The following GABRA5 variants were observed in gnomAD, a reference collection of about 807,000 sequenced individuals.
The protein encoded by GABRA5 is gamma-aminobutyric acid receptor subunit alpha-5.
In GABRA5, 18 loss-of-function variants were observed where a neutral mutation model predicts 47.3. That is an observed-to-expected ratio of 0.38 (90% CI 0.26 to 0.56). GABRA5 has a LOEUF of 0.56. Among genes scored for constraint, GABRA5 ranks in the 20% least tolerant of loss-of-function variants. The pLI is 0.71. For missense variants in GABRA5, 365 were observed against 599.3 expected (o/e 0.61, Z 4.08); for synonymous variants, 237 against 229.3 (o/e 1.03, Z -0.30).
At chr15:26,945,347 A>T (rs2140602221) in intron 10 of GABRA5, among the ~76,000 whole-genome samples, 1 of 152,360 alleles carries the variant, frequency 6.6e-6, no homozygotes, top group African/African-American at 2.4e-5. Flanking sequence ...ACTTTAAAAA[A>T]ATAGACTGTG....
chr15:26,876,137 G>C (rs1371069605), intron 3 of GABRA5, among the ~76,000 whole-genome samples: 1 of 152,294 alleles, frequency 6.6e-6, no homozygotes, highest in South Asian at 2.1e-4. Context: ...GCCTATGATC[G>C]AGCTGGAGAG....
intron 3 of GABRA5, among the ~76,000 whole-genome samples, chr15:26,878,107 T>C (rs921066418): frequency 2.0e-5 from 3 of 152,162 alleles, no homozygotes; most frequent in African/African-American, 7.2e-5. Flanking sequence ...GACATCTTGG[T>C]TTCCACCTGT....
At chr15:26,896,047 C>T (rs1248090345) in intron 6 of GABRA5, among the ~76,000 whole-genome samples, 1 of 152,060 alleles carries the variant, frequency 6.6e-6, no homozygotes, top group East Asian at 1.9e-4. Context: ...GTTATCAGTG[C>T]CCATTGCTCC....
Position 26,867,932 on chromosome 15 carries a change from A to G in GABRA5, c.-139-797A>G, listed in dbSNP as rs922699925. 9 of 151,912 alleles carry G rather than the reference A, an allele frequency of 5.9e-5. No individual in the cohort carries two copies. The highest frequency in any genetic ancestry group is 2.2e-4 in the African/African-American group (9 of 41,364). The allele number at this position is 151,912 out of a possible 1,614,324, so 9.4% of individuals were successfully genotyped here. On this transcript the variant is annotated intron_variant, in intron 1 of 10. Coordinates refer to ENST00000335625, the MANE Select transcript of GABRA5 (RefSeq NM_000810.4). The surrounding 1 kb of genome is among the most constrained non-coding windows in gnomAD (Gnocchi z 5.9). ...CTTGGCTCGTACCCGGGGCAGGAGC[A>G]GGGGAAGTCTGCGAAAGCCGGGAGC... is the stretch of plus-strand genomic sequence containing the variant.
At chr15:26,944,005 A>G (rs753125003) in intron 10 of GABRA5, among the ~76,000 whole-genome samples, 8 of 152,232 alleles carry the variant, frequency 5.3e-5, no homozygotes, top group Non-Finnish European at 7.3e-5. Flanking sequence ...GGGAGATAAG[A>G]ATAACATTCG....
chr15:26,881,702 AT>A (rs373113134), intron 4 of GABRA5, among the ~76,000 whole-genome samples: 11 of 149,570 alleles, frequency 7.4e-5, no homozygotes, highest in East Asian at 2.0e-4. Flanking sequence ...TAGTGTTTGC[AT>A]TTTTTTTTTA....
chr15:26,923,079 T>G (rs569647237), intron 7 of GABRA5, among the ~76,000 whole-genome samples: 2 of 152,246 alleles, frequency 1.3e-5, no homozygotes, highest in Non-Finnish European at 2.9e-5. Flanking sequence ...ACATACATCT[T>G]GAACCACATC....
chr15:26,893,285 T>C (rs1427827425), intron 6 of GABRA5, among the ~76,000 whole-genome samples: 1 of 44,358 alleles, frequency 2.3e-5, no homozygotes, highest in East Asian at 9.1e-4. Context: ...GTGTATGGCA[T>C]ATGGCGTGTG....
In GABRA5 at chr15:26,874,542, G is replaced by A. The variant is rs543738064; in HGVS notation, c.86+5208G>A. ...GTGCCCTGAAAAGGGAAGGAATGGG[G>A]GGAGGACTATATATGGGAAACCAAA... On this transcript the variant is annotated intron_variant, in intron 3 of 10. Transcript: ENST00000335625. 1.7e-4 allele frequency among the ~76,000 whole-genome samples: 26 copies of A among 152,224 alleles called. No individual in the cohort carries two copies. In the South Asian group the frequency reaches 5.4e-3, roughly 32 times the overall value.
At chr15:26,934,189 T>G (rs534842144) in intron 7 of GABRA5, among the ~76,000 whole-genome samples, 2 of 147,202 alleles carry the variant, frequency 1.4e-5, no homozygotes, top group African/African-American at 2.5e-5. Flanking sequence ...GAAACAGAGA[T>G]TGCAGTGAGC....
At chr15:26,926,300 G>A (rs1893961205) in intron 7 of GABRA5, among the ~76,000 whole-genome samples, 2 of 151,932 alleles carry the variant, frequency 1.3e-5, no homozygotes, top group Non-Finnish European at 2.9e-5. Flanking sequence ...TGCCATTCCT[G>A]GATGCAGAAA....
At chr15:26,935,933 C>T (rs982955714) in intron 7 of GABRA5, among the ~76,000 whole-genome samples, 1 of 152,218 alleles carries the variant, frequency 6.6e-6, no homozygotes, top group Non-Finnish European at 1.5e-5. Flanking sequence ...CCTGAAATGG[C>T]TTGGCTGTGT....
chr15:26,944,507 C>T (rs1037269989), intron 10 of GABRA5, among the ~76,000 whole-genome samples: 13 of 152,216 alleles, frequency 8.5e-5, no homozygotes, highest in Middle Eastern at 3.4e-3. Context: ...AAGGGGAAAC[C>T]GGAGGAAGGG....
chr15:26,868,389 G>A (rs920044328), intron 1 of GABRA5, among the ~76,000 whole-genome samples: 10 of 152,136 alleles, frequency 6.6e-5, no homozygotes, highest in Non-Finnish European at 1.5e-4. Flanking sequence ...ATGGGGGTTG[G>A]GGGGGCTTCT....
At chr15:26,879,973 C>T (rs1424758199) in intron 3 of GABRA5, among the ~76,000 whole-genome samples, 1 of 152,166 alleles carries the variant, frequency 6.6e-6, no homozygotes, top group Non-Finnish European at 1.5e-5. Context: ...GCTATTTGCA[C>T]ATCTGAAAGC....
intron 7 of GABRA5, among the ~76,000 whole-genome samples, chr15:26,920,723 G>T (rs556071341): frequency 6.6e-6 from 1 of 152,206 alleles, no homozygotes; most frequent in African/African-American, 2.4e-5. Context: ...ATTGTACAGG[G>T]AAAGACCTTC....
intron 7 of GABRA5, among the ~76,000 whole-genome samples, chr15:26,936,446 T>C (rs1411856054): frequency 6.6e-6 from 1 of 152,212 alleles, no homozygotes; most frequent in Non-Finnish European, 1.5e-5. Context: ...CCTTTTGTCA[T>C]GCTTCTAATC....
intron 3 of GABRA5, among the ~76,000 whole-genome samples, chr15:26,877,021 A>G (rs1055676165): frequency 6.6e-6 from 1 of 152,200 alleles, no homozygotes; most frequent in Admixed American, 6.5e-5. Flanking sequence ...CAGCAGTGCC[A>G]AGGGCAAGAA....
At chr15:26,896,119 G>C (rs1893188098) in intron 6 of GABRA5, among the ~76,000 whole-genome samples, 1 of 152,186 alleles carries the variant, frequency 6.6e-6, no homozygotes, top group Non-Finnish European at 1.5e-5. Flanking sequence ...ACATCATACA[G>C]AGTCTTCGAT....
Sources: allele counts gnomAD v4.1 joint callset (sites outside exome capture counted in the v4.1 genomes callset), GRCh38; gene constraint gnomAD v4.1.1; non-coding constraint Gnocchi (gnomAD v3.1); transcripts MANE v1.5; gene names NCBI Gene and HGNC (gene_info 2026-07-23, HGNC 2026-07-21).